Variants in BIRC6 observed in about 807,000 individuals in gnomAD.
BIRC6 encodes the protein baculoviral IAP repeat containing 6.
A neutral mutation model predicts 503.3 loss-of-function variants in BIRC6; 98 were observed. The observed-to-expected ratio is 0.19, with a 90% CI of 0.17 to 0.23. The LOEUF is 0.23. BIRC6 is among the 10% of genes least tolerant of loss of function. The probability of loss-of-function intolerance (pLI) is 1.00; values close to 1 mark genes in which losing one functional copy is unlikely to be tolerated. For missense variants in BIRC6, 5,360 were observed against 5,806.0 expected (o/e 0.92, Z 2.50); for synonymous variants, 2,240 against 2,078.7 (o/e 1.08, Z -2.11).
chr2:32,451,439 G>T (rs1223719358), intron 22 of BIRC6, among the ~76,000 whole-genome samples: 1 of 152,094 alleles, frequency 6.6e-6, no homozygotes, highest in Non-Finnish European at 1.5e-5. Flanking sequence ...TGATTTCGTT[G>T]ACATTTTTAT....
chr2:32,429,641 G>GT (rs2043885346), intron 11 of BIRC6, among the ~76,000 whole-genome samples: 1 of 151,998 alleles, frequency 6.6e-6, no homozygotes, highest in Non-Finnish European at 1.5e-5. Context: ...TCACACATAC[G>GT]TTGCCCCATC....
intron 60 of BIRC6, 142 bp downstream of exon 60, chr2:32,529,966 T>TA (rs2056594430): frequency 2.0e-6 from 1 of 499,248 alleles, no homozygotes; most frequent in Non-Finnish European, 3.2e-6. Context: ...TTTGTAAATA[T>TA]AAAAAATGGC....
chr2:32,385,122 A>G (rs2038247926), intron 3 of BIRC6, among the ~76,000 whole-genome samples: 1 of 152,226 alleles, frequency 6.6e-6, no homozygotes, highest in South Asian at 2.1e-4. Flanking sequence ...ATTTACCTTC[A>G]CCACTCTCCT....
intron 6 of BIRC6, among the ~76,000 whole-genome samples, chr2:32,395,951 A>G (rs1223481875): frequency 6.6e-6 from 1 of 152,218 alleles, no homozygotes; most frequent in Admixed American, 6.5e-5. Context: ...CTTATAGTAT[A>G]CATTTCTAAT....
chr2:32,382,320 G>C (rs1573805911), intron 3 of BIRC6, among the ~76,000 whole-genome samples: 1 of 152,270 alleles, frequency 6.6e-6, no homozygotes, highest in East Asian at 1.9e-4. Flanking sequence ...TACCTCTGAG[G>C]GAACTCTATG....
At chr2:32,433,412 A>G (rs778394361) in intron 12 of BIRC6, among the ~76,000 whole-genome samples, 1 of 152,210 alleles carries the variant, frequency 6.6e-6, no homozygotes, top group Non-Finnish European at 1.5e-5. Flanking sequence ...ATAAGAATGT[A>G]TTGGTATATG....
intron 65 of BIRC6, among the ~76,000 whole-genome samples, chr2:32,573,911 G>GT (rs564260626): frequency 5.4e-4 from 82 of 151,988 alleles, no homozygotes; most frequent in Non-Finnish European, 9.0e-4. Flanking sequence ...ATATTATCTG[G>GT]TGTATTTAAT....
At chr2:32,535,885 A>G (rs2057191613) in intron 61 of BIRC6, among the ~76,000 whole-genome samples, 3 of 152,186 alleles carry the variant, frequency 2.0e-5, no homozygotes, top group South Asian at 2.1e-4. Context: ...TGCTACACTG[A>G]CTTCCACAAT....
At chr2:32,501,016 T>C (rs2053126622) in intron 46 of BIRC6, among the ~76,000 whole-genome samples, 1 of 152,196 alleles carries the variant, frequency 6.6e-6, no homozygotes, top group South Asian at 2.1e-4. Context: ...ACATTTGCTT[T>C]AAAAATAAAA....
At position 32,463,302 on chromosome 2, in the gene BIRC6, C is replaced by G. The variant is rs1295716074; in HGVS notation, c.4862C>G (p.Ser1621Cys). ...GCCCAGGTAGCTTTGCAGTCTCTCT[C>G]TCATGCAATGGCTTCAGCCGAGCAA... ...SAAQVALQSL[S>C]HAMASAEQQL... The change falls in exon 24 of 74, where the codon TCT (serine) becomes TGT (cysteine). Residue 1621 changes from serine to cysteine, a missense_variant. Transcript: ENST00000421745. 6.2e-7 allele frequency: 1 copy of G among 1,613,922 alleles called. No individual in the cohort carries two copies. The highest frequency in any genetic ancestry group is 1.7e-5 in the Admixed American group (1 of 60,026).
intron 1 of BIRC6, among the ~76,000 whole-genome samples, chr2:32,360,352 T>C (rs2033866327): frequency 1.3e-5 from 2 of 152,228 alleles, no homozygotes; most frequent in African/African-American, 4.8e-5. Flanking sequence ...AAAATGTTTA[T>C]AAATACAGTT....
Position 32,427,739 on chromosome 2 carries a change from G to GGTGT in BIRC6, c.2873-1390_2873-1387dup, listed in dbSNP as rs367894620. On this transcript the variant is annotated intron_variant, in intron 10 of 73. Coordinates refer to ENST00000421745, the MANE Select transcript of BIRC6 (RefSeq NM_016252.4). ...TCTGAAGTCCGAGAAGACATTTTCA[G>GGTGT]GTGTGTGTGTGTGTGTGTGTTTTAC... Among the ~76,000 whole-genome samples, 383 of 150,568 alleles carry GGTGT rather than the reference G, an allele frequency of 2.5e-3. 1 individual carries two copies. The highest frequency in any genetic ancestry group is 8.5e-3 in the African/African-American group (349 of 41,190).
At chr2:32,427,859 A>G (rs2043698576) in intron 10 of BIRC6, among the ~76,000 whole-genome samples, 1 of 152,140 alleles carries the variant, frequency 6.6e-6, no homozygotes, top group Non-Finnish European at 1.5e-5. Flanking sequence ...CTGGATTCGT[A>G]TCTCCCTACC....
chr2:32,521,445 A>AT (rs1200106706), intron 57 of BIRC6, among the ~76,000 whole-genome samples: 3 of 141,272 alleles, frequency 2.1e-5, no homozygotes, highest in Non-Finnish European at 4.6e-5. Flanking sequence ...GTGACCTATT[A>AT]TTTTTTCTCT....
intron 65 of BIRC6, among the ~76,000 whole-genome samples, chr2:32,567,830 G>A (rs1234316384): frequency 6.6e-6 from 1 of 152,196 alleles, no homozygotes; most frequent in Admixed American, 6.5e-5. Context: ...GGCCGGGTGT[G>A]GTGGCTCACG....
intron 9 of BIRC6, among the ~76,000 whole-genome samples, chr2:32,409,222 G>A (rs191637617): frequency 9.9e-5 from 15 of 151,902 alleles, no homozygotes; most frequent in Admixed American, 7.9e-4. Context: ...GCAGTGGCAC[G>A]GATCTTGGCT....
At chr2:32,508,523 T>C (rs1245230871) in intron 51 of BIRC6, among the ~76,000 whole-genome samples, 1 of 152,006 alleles carries the variant, frequency 6.6e-6, no homozygotes, top group East Asian at 1.9e-4. Context: ...TACATTGTAA[T>C]TTTCTGGCTT....
chr2:32,499,855 T>C lies in BIRC6; in HGVS notation c.8777T>C (p.Val2926Ala), dbSNP rs759706498. 1 of 1,614,026 alleles carries C rather than the reference T, an allele frequency of 6.2e-7. No homozygotes were observed. The highest frequency in any genetic ancestry group is 1.1e-5 in the South Asian group (1 of 91,086). The change falls in exon 46 of 74, where the codon GTT (valine) becomes GCT (alanine). Residue 2926 changes from valine (V) to alanine (A), a missense_variant. Transcript: ENST00000421745. ...CTCATGTTTGATTTGTTAAAACTTG[T>C]TAACATTTTAGTGCAGCTGCCTCTT... ...DQLMFDLLKL[V>A]NILVQLPLSG...
chr2:32,551,697 G>A (rs190734746), intron 65 of BIRC6, among the ~76,000 whole-genome samples: 33 of 152,134 alleles, frequency 2.2e-4, no homozygotes, highest in Admixed American at 6.5e-4. Flanking sequence ...TTTCATTTGC[G>A]TATATAGTAT....
Sources: allele counts gnomAD v4.1 joint callset (sites outside exome capture counted in the v4.1 genomes callset), GRCh38; gene constraint gnomAD v4.1.1; transcripts MANE v1.5; gene names NCBI Gene and HGNC (gene_info 2026-07-23, HGNC 2026-07-21).